CDC42SE1: variants seen among roughly 807,000 people sequenced by gnomAD.
CDC42SE1 encodes CDC42 small effector 1.
CDC42SE1 carries 10 observed loss-of-function variants against 10.9 expected under a neutral mutation model. The observed-to-expected ratio is 0.92, with a 90% CI of 0.57 to 1.56. The LOEUF (loss-of-function observed/expected upper bound fraction) is 1.56, where lower values mean the gene tolerates loss of function less well. Among genes scored for constraint, CDC42SE1 ranks in the 40% most tolerant of loss-of-function variants. CDC42SE1 has a pLI of 0.00. For synonymous variants in CDC42SE1, 24 were observed against 32.0 expected (o/e 0.75, Z 0.85); for missense variants, 81 against 100.8 (o/e 0.80, Z 0.84).
Position 151,055,861 on chromosome 1 carries a change from C to A in CDC42SE1, c.-131G>T. The A allele has an allele frequency of 1.3e-6, 1 of 751,018 alleles. No individual in the cohort carries two copies. Among genetic ancestry groups the A allele is most frequent in the Non-Finnish European group, 2.3e-6 (1 of 426,688 alleles). The allele number at this position is 751,018 out of a possible 1,614,324, so 46.5% of individuals were successfully genotyped here. A position where few individuals can be genotyped will look rare whatever the true frequency, so the allele number is the denominator to read the frequency against. ...CTGGGTTCACTCAGCTGGATGGGTC[C>A]AGACAAAGTGGAATCCCTGGAACCT... On this transcript the variant is annotated 5_prime_UTR_variant, in exon 2 of 5. Transcript: ENST00000357235.
At chr1:151,056,075 A>AT in intron 1 of CDC42SE1, 82 bp from the exon 2 acceptor site, 1 of 344,234 alleles carries the variant, frequency 2.9e-6, no homozygotes, top group Non-Finnish European at 5.6e-6. Context: ...TGATGAGCCT[A>AT]TATCTTCCCA....
chr1:151,054,351 G>C (rs770008306), intron 3 of CDC42SE1, 30 bp from the exon 4 acceptor site: 3 of 1,542,850 alleles, frequency 1.9e-6, no homozygotes, highest in East Asian at 2.2e-5. Context: ...AGACACCTTC[G>C]TAAGTCTTCA....
chr1:151,055,168 T>C, intron 2 of CDC42SE1, 42 bp from the exon 3 acceptor site: 1 of 1,427,666 alleles, frequency 7.0e-7, no homozygotes, highest in Non-Finnish European at 9.9e-7. Context: ...AGGCCCCTCC[T>C]CCAGTCAGCA....
At chr1:151,056,268 G>A (rs1676276179) in intron 1 of CDC42SE1, among the ~76,000 whole-genome samples, 1 of 152,184 alleles carries the variant, frequency 6.6e-6, no homozygotes, top group Non-Finnish European at 1.5e-5. Context: ...GGATGGGCGA[G>A]GACCAAAGGA....
rs751009858 is a variant in CDC42SE1 at position 151,052,773 on chromosome 1, G to A, written c.*571C>T. 3 of 152,240 alleles carry A rather than the reference G, an allele frequency of 2.0e-5. No homozygotes were observed. Among genetic ancestry groups the A allele is most frequent in the Admixed American group, 1.3e-4 (2 of 15,282 alleles). 9.4% of individuals were successfully genotyped at this position (152,240 alleles called of 1,614,324 possible). A position where few individuals can be genotyped will look rare whatever the true frequency, so the allele number is the denominator to read the frequency against. On this transcript the variant is annotated 3_prime_UTR_variant, in exon 5 of 5. Transcript: ENST00000357235. ...CTAGAAAGAGACACTGGTGTTAGCA[G>A]AGAGATATTGAGGGGCTGTAAGCCT...
intron 2 of CDC42SE1, chr1:151,055,333 C>G: frequency 1.7e-6 from 1 of 595,288 alleles, no homozygotes; most frequent in Non-Finnish European, 3.0e-6. Flanking sequence ...GTAGTGAGGG[C>G]AGTGGCCTGC....
rs587711916 is a variant in CDC42SE1 at position 151,052,689 on chromosome 1, T to C, written c.*655A>G. ...AGAACCTGAATTAAATTTTTAATATTTTAAAAAAGGAAAGTTGCTGGGAAG... is the reference window on the plus strand; with the variant it reads ...AGAACCTGAATTAAATTTTTAATATCTTAAAAAAGGAAAGTTGCTGGGAAG... On this transcript the variant is annotated 3_prime_UTR_variant, in exon 5 of 5. Transcript: ENST00000357235. 12 of 152,544 alleles carry C rather than the reference T, an allele frequency of 7.9e-5. No individual in the cohort carries two copies. Among genetic ancestry groups the C allele is most frequent in the Admixed American group, 7.9e-4 (12 of 15,282 alleles). 9.4% of individuals were successfully genotyped at this position (152,544 alleles called of 1,614,324 possible).
At chr1:151,059,305 C>A (rs186240045) in intron 1 of CDC42SE1, 174 bp downstream of exon 1, 224 of 152,608 alleles carry the variant, frequency 1.5e-3, no homozygotes, top group Non-Finnish European at 2.5e-3. Context: ...CCTCAGCCTG[C>A]GCACCCCAGG....
In CDC42SE1 at chr1:151,059,599, G is replaced by C. The variant is rs912786308; in HGVS notation, c.-384C>G. The C allele has an allele frequency of 2.6e-5, 4 of 152,394 alleles. No individual in the cohort carries two copies. The highest frequency in any genetic ancestry group is 2.1e-4 in the South Asian group (1 of 4,846). The allele number at this position is 152,394 out of a possible 1,614,324, so 9.4% of individuals were successfully genotyped here. A position where few individuals can be genotyped will look rare whatever the true frequency, so the allele number is the denominator to read the frequency against. On this transcript the variant is annotated 5_prime_UTR_variant, in exon 1 of 5. Transcript: ENST00000357235. Reference sequence around the variant, plus strand: ...GCGGCGAGGTGGGGGAGCCGAGTACGAGCCGGCAGAGGTGGGGCCGGCTGA... The same window carrying C: ...GCGGCGAGGTGGGGGAGCCGAGTACCAGCCGGCAGAGGTGGGGCCGGCTGA...
chr1:151,055,266 C>T (rs1676258212), intron 2 of CDC42SE1, 140 bp from the exon 3 acceptor site: 3 of 657,374 alleles, frequency 4.6e-6, no homozygotes, highest in African/African-American at 1.8e-5. Flanking sequence ...AGGGAAATCA[C>T]TAGGGCATGA....
At position 151,055,014 on chromosome 1, in the gene CDC42SE1, A is replaced by G. The variant is rs751696543; in HGVS notation, c.165+2T>C. The G allele has an allele frequency of 1.4e-5, 22 of 1,608,826 alleles. No homozygotes were observed. The East Asian group carries it at 4.9e-4, about 36-fold the overall frequency. ...ATCAACCTCTCCCCATTTCCTTGTT[A>G]CCATGGCAAGTCCATCTCCGGCCCC... On this transcript the variant is annotated splice_donor_variant, in intron 3 of 4. Coordinates refer to ENST00000357235, the MANE Select transcript of CDC42SE1 (RefSeq NM_020239.4). LOFTEE classifies it high-confidence loss of function.
At chr1:151,054,493 C>T (rs1204712325) in intron 3 of CDC42SE1, among the ~76,000 whole-genome samples, 172 bp from the exon 4 acceptor site, 1 of 152,334 alleles carries the variant, frequency 6.6e-6, no homozygotes, top group East Asian at 1.9e-4. Context: ...CACTGGCCTT[C>T]ATGAGGATGA....
intron 2 of CDC42SE1, 38 bp from the exon 3 acceptor site, chr1:151,055,164 C>T (rs1290156697): frequency 1.4e-6 from 2 of 1,450,412 alleles, no homozygotes; most frequent in African/African-American, 1.4e-5. Flanking sequence ...CTTAAGGCCC[C>T]TCCTCCAGTC....
chr1:151,056,096 A>G, intron 1 of CDC42SE1, 103 bp from the exon 2 acceptor site: 1 of 306,264 alleles, frequency 3.3e-6, no homozygotes, highest in Non-Finnish European at 6.4e-6. Context: ...GTCCTCCCTG[A>G]GAGGCCCTAG....
At chr1:151,056,629 TCAG>T (rs3034000) in intron 1 of CDC42SE1, 117,404 of 151,682 alleles carry the variant, frequency 0.77, 45,628 homozygotes, top group East Asian at 0.92. Context: ...CAGAAGCCAG[TCAG>T]CAGCAGTTCC....
intron 1 of CDC42SE1, 55 bp from the exon 2 acceptor site, chr1:151,056,048 A>G (rs747076357): frequency 2.5e-6 from 1 of 392,484 alleles, no homozygotes; most frequent in Non-Finnish European, 4.8e-6. Flanking sequence ...CCCTCCCCCA[A>G]TCCTTGAGAA....
At chr1:151,054,158 G>C (rs1676237174) in intron 4 of CDC42SE1, 73 bp downstream of exon 4, 1 of 964,000 alleles carries the variant, frequency 1.0e-6, no homozygotes, top group South Asian at 1.3e-5. Flanking sequence ...ATAAGATCAG[G>C]GTTCTGAGTC....
At position 151,057,535 on chromosome 1, in the gene CDC42SE1, A is replaced by C. The variant is rs943311587; in HGVS notation, c.-263-1542T>G. 1.3e-5 allele frequency among the ~76,000 whole-genome samples: 2 copies of C among 152,050 alleles called. No individual in the cohort carries two copies. Among genetic ancestry groups the C allele is most frequent in the South Asian group, 2.1e-4 (1 of 4,816 alleles). ...CCTCAAAAAAAACACACACAAAAAA[A>C]CGAGATAGCAGGGTGTGGTAGCATG... On this transcript the variant is annotated intron_variant, in intron 1 of 4. Transcript: ENST00000357235. The surrounding 1 kb of genome is among the most constrained non-coding windows in gnomAD (Gnocchi z 4.0).
At chr1:151,054,768 A>G (rs915704630) in intron 3 of CDC42SE1, among the ~76,000 whole-genome samples, 2 of 152,124 alleles carry the variant, frequency 1.3e-5, no homozygotes, top group African/African-American at 4.8e-5. Flanking sequence ...AAAGCCCTCC[A>G]ACTATTAAGA....
Sources: gnomAD v4.1 joint callset for allele counts (sites outside exome capture counted in the v4.1 genomes callset) on GRCh38, gnomAD v4.1.1 for gene constraint, Gnocchi (gnomAD v3.1) non-coding constraint, MANE v1.5 for transcripts, NCBI Gene and HGNC (gene_info 2026-07-23, HGNC 2026-07-21) for gene names.